The following ZNF407 variants were observed in gnomAD, a reference collection of about 807,000 sequenced individuals.
ZNF407 encodes zinc finger protein 407.
Under a neutral mutation model 131.2 loss-of-function variants are expected in ZNF407, and 17 were observed. That is an observed-to-expected ratio of 0.13 (90% CI 0.09 to 0.19). The LOEUF (loss-of-function observed/expected upper bound fraction) is 0.19, where lower values mean the gene tolerates loss of function less well. Ranked by LOEUF, ZNF407 falls within the 10% of genes least tolerant of loss-of-function variation. ZNF407 has a pLI of 1.00. For synonymous variants in ZNF407, 1,156 were observed against 1,062.0 expected (o/e 1.09, Z -1.72); for missense variants, 2,681 against 2,830.6 (o/e 0.95, Z 1.20).
intron 4 of ZNF407, among the ~76,000 whole-genome samples, chr18:74,837,841 A>G (rs1015006827): frequency 5.9e-5 from 9 of 151,998 alleles, no homozygotes; most frequent in African/African-American, 1.9e-4. Flanking sequence ...TTTTGTAGGG[A>G]TGAAATTTCA....
intron 3 of ZNF407, among the ~76,000 whole-genome samples, chr18:74,693,711 T>A (rs1412060465): frequency 6.6e-6 from 1 of 152,202 alleles, no homozygotes; most frequent in Non-Finnish European, 1.5e-5. Flanking sequence ...TTCTTCTGTG[T>A]TCATCGTGCT....
At chr18:74,770,306 G>A (rs551820002) in intron 3 of ZNF407, among the ~76,000 whole-genome samples, 1 of 152,094 alleles carries the variant, frequency 6.6e-6, no homozygotes, top group Non-Finnish European at 1.5e-5. Context: ...GCTGAAGTGG[G>A]AGAATCGCTT....
At chr18:74,933,192 G>A (rs1359548078) in intron 8 of ZNF407, among the ~76,000 whole-genome samples, 1 of 152,184 alleles carries the variant, frequency 6.6e-6, no homozygotes, top group Admixed American at 6.5e-5. Context: ...ATATTATACA[G>A]TGGAGCATTA....
At chr18:74,787,449 G>T (rs1287532405) in intron 4 of ZNF407, among the ~76,000 whole-genome samples, 1 of 152,162 alleles carries the variant, frequency 6.6e-6, no homozygotes, top group Non-Finnish European at 1.5e-5. Context: ...TTTTGCAGAT[G>T]AAAGTTAACA....
intron 7 of ZNF407, among the ~76,000 whole-genome samples, chr18:74,917,174 T>C (rs1158730580): frequency 1.3e-5 from 2 of 152,166 alleles, no homozygotes; most frequent in Non-Finnish European, 2.9e-5. Flanking sequence ...AAACCATTAC[T>C]ACAAGCAGTC....
At chr18:74,808,840 A>C (rs1970152368) in intron 4 of ZNF407, among the ~76,000 whole-genome samples, 1 of 152,230 alleles carries the variant, frequency 6.6e-6, no homozygotes, top group African/African-American at 2.4e-5. Context: ...CCCAATAAAA[A>C]AGCTAATGGT....
intron 1 of ZNF407, among the ~76,000 whole-genome samples, chr18:74,617,079 AT>A (rs1983338318): frequency 8.7e-6 from 1 of 115,068 alleles, no homozygotes; most frequent in African/African-American, 3.7e-5. Context: ...ATCCACACAC[AT>A]CCATATCCAT....
At chr18:74,950,236 G>A (rs910238700) in intron 8 of ZNF407, among the ~76,000 whole-genome samples, 4 of 152,136 alleles carry the variant, frequency 2.6e-5, no homozygotes, top group Non-Finnish European at 4.4e-5. Context: ...CGATCCAAAC[G>A]CTTCAATATG....
chr18:74,858,526 A>G (rs1970892065), intron 4 of ZNF407, among the ~76,000 whole-genome samples: 1 of 152,186 alleles, frequency 6.6e-6, no homozygotes, highest in South Asian at 2.1e-4. Context: ...GTAAGTTGAT[A>G]TAATCTTTGA....
intron 3 of ZNF407, among the ~76,000 whole-genome samples, chr18:74,760,064 C>T (rs148225837): frequency 6.6e-6 from 1 of 151,888 alleles, no homozygotes; most frequent in Admixed American, 6.6e-5. Context: ...GAAATCAGAT[C>T]CCTTCCTCCT....
intron 8 of ZNF407, among the ~76,000 whole-genome samples, chr18:75,044,635 A>G (rs1390202702): frequency 6.6e-6 from 1 of 152,220 alleles, no homozygotes; most frequent in Non-Finnish European, 1.5e-5. Flanking sequence ...GCCCGTGTCA[A>G]AAACTTGCGG....
At chr18:74,606,438 C>T (rs1430251177) in intron 1 of ZNF407, among the ~76,000 whole-genome samples, 11 of 152,066 alleles carry the variant, frequency 7.2e-5, no homozygotes, top group Admixed American at 4.6e-4. Context: ...TGAGTAGATA[C>T]GGGGTCTTGC....
chr18:74,959,254 G>A (rs931313282), intron 8 of ZNF407, among the ~76,000 whole-genome samples: 15 of 152,112 alleles, frequency 9.9e-5, no homozygotes, highest in African/African-American at 2.7e-4. Flanking sequence ...ACAAATGTAG[G>A]TGCTAAATTT....
intron 4 of ZNF407, among the ~76,000 whole-genome samples, chr18:74,800,657 A>C (rs1357427106): frequency 6.6e-6 from 1 of 152,174 alleles, no homozygotes; most frequent in Non-Finnish European, 1.5e-5. Context: ...GGAGAAGCCT[A>C]AAGCCAATCT....
rs560728215 is a variant in ZNF407 at position 74,973,020 on chromosome 18, G to A, written c.5428+52328G>A. Among the ~76,000 whole-genome samples the A allele has an allele frequency of 5.3e-5, 8 of 152,044 alleles. No homozygotes were observed. In the East Asian group the frequency reaches 1.5e-3, roughly 29 times the overall value. On this transcript the variant is annotated intron_variant, in intron 8 of 8. Transcript: ENST00000299687. ...TGTTTGTTCTGTTTTTCATTTCTCAGTTTTCTTTTTCCTGCCTGCTTGCGG... is the reference window on the plus strand; with the variant it reads ...TGTTTGTTCTGTTTTTCATTTCTCAATTTTCTTTTTCCTGCCTGCTTGCGG...
intron 1 of ZNF407, among the ~76,000 whole-genome samples, chr18:74,614,187 T>C (rs1983183324): frequency 6.6e-6 from 1 of 152,100 alleles, no homozygotes; most frequent in Admixed American, 6.5e-5. Context: ...CTTTTAAAAA[T>C]AGCTTAGAAA....
chr18:74,769,500 C>A (rs1969316210), intron 3 of ZNF407, among the ~76,000 whole-genome samples: 1 of 152,168 alleles, frequency 6.6e-6, no homozygotes, highest in African/African-American at 2.4e-5. Flanking sequence ...AAACATGTCT[C>A]ATAGAGTTTG....
intron 3 of ZNF407, among the ~76,000 whole-genome samples, chr18:74,722,505 T>G (rs1010138731): frequency 3.9e-5 from 6 of 152,148 alleles, no homozygotes; most frequent in African/African-American, 7.2e-5. Context: ...TTTGTTACTT[T>G]TAGCTGACAA....
At chr18:74,637,596 A>G (rs995477136) in intron 2 of ZNF407, among the ~76,000 whole-genome samples, 1 of 152,078 alleles carries the variant, frequency 6.6e-6, no homozygotes, top group African/African-American at 2.4e-5. Flanking sequence ...AGGACACAAT[A>G]CGAGTCTACC....
Sources: gnomAD v4.1 joint callset for allele counts (sites outside exome capture counted in the v4.1 genomes callset) on GRCh38, gnomAD v4.1.1 for gene constraint, MANE v1.5 for transcripts, NCBI Gene and HGNC (gene_info 2026-07-23, HGNC 2026-07-21) for gene names.